The following SMURF2 variants were observed in gnomAD, a reference collection of about 807,000 sequenced individuals.
The protein encoded by SMURF2 is E3 ubiquitin-protein ligase SMURF2.
Under a neutral mutation model 109.6 loss-of-function variants are expected in SMURF2, and 48 were observed. The ratio of observed to expected loss-of-function variants is 0.44; its 90% CI spans 0.35 to 0.56. SMURF2 has a LOEUF of 0.56. Among genes scored for constraint, SMURF2 ranks in the 20% least tolerant of loss-of-function variants. The probability of loss-of-function intolerance (pLI) is 0.01; values close to 1 mark genes in which losing one functional copy is unlikely to be tolerated. For missense variants in SMURF2, 575 were observed against 909.0 expected, an observed-to-expected ratio of 0.63 and a Z score of 4.72; for synonymous variants, 288 against 317.1, an observed-to-expected ratio of 0.91 and a Z score of 0.97.
rs551362932 is a variant in SMURF2 at position 64,590,363 on chromosome 17, G to A, written c.400+721C>T. On this transcript the variant is annotated intron_variant, in intron 5 of 18. Transcript: ENST00000262435. ...TCACCATGTTGGCCAGGCTGGTCTC[G>A]AACTCCTGACTTCAGGTGATCCACC... 1.3e-4 allele frequency among the ~76,000 whole-genome samples: 19 copies of A among 151,806 alleles called. No homozygotes were observed. The South Asian group carries it at 2.3e-3, about 18-fold the overall frequency.
At chr17:64,659,070 A>G (rs767210545) in intron 1 of SMURF2, among the ~76,000 whole-genome samples, 7 of 152,128 alleles carry the variant, frequency 4.6e-5, no homozygotes, top group Admixed American at 3.3e-4. Context: ...TTTAAGAATA[A>G]TATGTGGAAA....
intron 1 of SMURF2, among the ~76,000 whole-genome samples, chr17:64,619,692 G>C (rs1411561268): frequency 6.6e-6 from 1 of 151,930 alleles, no homozygotes; most frequent in Non-Finnish European, 1.5e-5. Context: ...CCTTCTCCCT[G>C]TATGCTTGCA....
At chr17:64,642,042 G>A (rs1303531051) in intron 1 of SMURF2, among the ~76,000 whole-genome samples, 1 of 152,184 alleles carries the variant, frequency 6.6e-6, no homozygotes, top group Non-Finnish European at 1.5e-5. Flanking sequence ...CCTGAGCTCA[G>A]GCAATCTGCC....
At chr17:64,645,728 T>A (rs1970550571) in intron 1 of SMURF2, among the ~76,000 whole-genome samples, 1 of 152,196 alleles carries the variant, frequency 6.6e-6, no homozygotes, top group Non-Finnish European at 1.5e-5. Flanking sequence ...TGCCTCAGCC[T>A]TATGAGTAGC....
intron 9 of SMURF2, among the ~76,000 whole-genome samples, chr17:64,574,683 T>C (rs1265320198): frequency 1.3e-5 from 2 of 152,200 alleles, no homozygotes; most frequent in African/African-American, 4.8e-5. Flanking sequence ...AGAAAAATAA[T>C]CCCAAGTGTT....
intron 1 of SMURF2, among the ~76,000 whole-genome samples, chr17:64,625,513 A>T (rs1970255585): frequency 6.6e-6 from 1 of 152,230 alleles, no homozygotes; most frequent in African/African-American, 2.4e-5. Context: ...TGTATTCAAC[A>T]CAGATCTCTG....
chr17:64,551,477 GA>G, intron 16 of SMURF2, 106 bp downstream of exon 16: 1 of 1,258,182 alleles, frequency 7.9e-7, no homozygotes, highest in Non-Finnish European at 1.1e-6. Flanking sequence ...ATAGAACCAT[GA>G]AACTTAGAAA....
Position 64,632,430 on chromosome 17 carries a change from T to C in SMURF2, c.53-25790A>G, listed in dbSNP as rs562624429. On this transcript the variant is annotated intron_variant, in intron 1 of 18. Coordinates refer to ENST00000262435, the MANE Select transcript of SMURF2 (RefSeq NM_022739.4). ...AACTGACCATGCCCCTACACACTCC[T>C]AACATCAACCCTCCCAGGAAATGTG... is the stretch of plus-strand genomic sequence containing the variant. Among the ~76,000 whole-genome samples, 5 of 152,282 alleles carry C rather than the reference T, an allele frequency of 3.3e-5. No individual in the cohort carries two copies. In the East Asian group the frequency reaches 7.7e-4, roughly 24 times the overall value.
intron 1 of SMURF2, among the ~76,000 whole-genome samples, chr17:64,611,702 C>T (rs1482331061): frequency 4.6e-5 from 7 of 152,140 alleles, no homozygotes; most frequent in African/African-American, 1.7e-4. Flanking sequence ...GCCTCAAAGC[C>T]TCACTTCTTT....
intron 1 of SMURF2, among the ~76,000 whole-genome samples, chr17:64,639,429 T>C (rs1205287196): frequency 6.6e-6 from 1 of 151,846 alleles, no homozygotes; most frequent in Non-Finnish European, 1.5e-5. Flanking sequence ...ATACAAAAAT[T>C]AGCCAAGCCT....
intron 2 of SMURF2, among the ~76,000 whole-genome samples, 165 bp from the exon 3 acceptor site, chr17:64,598,655 T>C (rs1214097513): frequency 6.6e-6 from 1 of 152,250 alleles, no homozygotes; most frequent in Non-Finnish European, 1.5e-5. Flanking sequence ...CTAAAGTTAC[T>C]TCTACATTAA....
At chr17:64,611,971 C>T (rs898244650) in intron 1 of SMURF2, among the ~76,000 whole-genome samples, 1 of 152,164 alleles carries the variant, frequency 6.6e-6, no homozygotes, top group Non-Finnish European at 1.5e-5. Context: ...CACCCACAGC[C>T]TTCACGTGCC....
At chr17:64,616,861 G>C (rs1970129881) in intron 1 of SMURF2, among the ~76,000 whole-genome samples, 1 of 151,418 alleles carries the variant, frequency 6.6e-6, no homozygotes, top group Non-Finnish European at 1.5e-5. Flanking sequence ...TTGAGCCTAG[G>C]AGTTCGAGAC....
intron 1 of SMURF2, among the ~76,000 whole-genome samples, chr17:64,615,744 G>A (rs1970112087): frequency 6.6e-6 from 1 of 152,094 alleles, no homozygotes; most frequent in Non-Finnish European, 1.5e-5. Context: ...AAAATGATCA[G>A]TTAAGTAAAT....
chr17:64,608,112 T>C (rs900253994), intron 1 of SMURF2, among the ~76,000 whole-genome samples: 4 of 151,900 alleles, frequency 2.6e-5, no homozygotes, highest in Non-Finnish European at 4.4e-5. Flanking sequence ...AAGAAAAACA[T>C]CAATTTTCAT....
At position 64,545,174 on chromosome 17, in the gene SMURF2, G is replaced by C. The variant is rs952142123; in HGVS notation, c.*674C>G. The stretch of plus-strand genomic sequence containing the variant: ...GACTAAATGGTTGCATTAGGAATTT[G>C]ACAACCAAAATTATATCGCTGTATT... On this transcript the variant is annotated 3_prime_UTR_variant, in exon 19 of 19. Transcript: ENST00000262435. The C allele has an allele frequency of 6.6e-6, 1 of 151,848 alleles. No homozygotes were observed. Among genetic ancestry groups the C allele is most frequent in the African/African-American group, 2.4e-5 (1 of 41,146 alleles). The allele number at this position is 151,848 out of a possible 1,614,324, so 9.4% of individuals were successfully genotyped here.
At chr17:64,587,448 C>A (rs189431460) in intron 5 of SMURF2, among the ~76,000 whole-genome samples, 1 of 152,186 alleles carries the variant, frequency 6.6e-6, no homozygotes. Context: ...GAAAAAGTTA[C>A]GTTAAATTAT....
intron 10 of SMURF2, among the ~76,000 whole-genome samples, chr17:64,567,853 CTT>C (rs1173742917): frequency 5.3e-5 from 6 of 112,184 alleles, no homozygotes; most frequent in African/African-American, 1.5e-4. Flanking sequence ...CCACACCTGG[CTT>C]TTTTTTTTTT....
intron 2 of SMURF2, among the ~76,000 whole-genome samples, chr17:64,601,967 A>C (rs1301553583): frequency 4.2e-4 from 63 of 150,988 alleles, no homozygotes; most frequent in Non-Finnish European, 7.4e-4. Context: ...ACACACACAC[A>C]CCACATATAC....
Sources: gnomAD v4.1 joint callset for allele counts (sites outside exome capture counted in the v4.1 genomes callset) on GRCh38, gnomAD v4.1.1 for gene constraint, MANE v1.5 for transcripts, NCBI Gene and HGNC (gene_info 2026-07-23, HGNC 2026-07-21) for gene names.